Variants in RHOH observed in about 807,000 individuals in gnomAD.
RHOH encodes the protein ras homolog family member H, also known as rho-related GTP-binding protein RhoH.
Under a neutral mutation model 13.8 loss-of-function variants are expected in RHOH, and 6 were observed. That is an observed-to-expected ratio of 0.44 (90% CI 0.24 to 0.86). The LOEUF is 0.86. RHOH is among the 40% of genes least tolerant of loss of function. The probability of loss-of-function intolerance (pLI) is 0.24; values close to 1 mark genes in which losing one functional copy is unlikely to be tolerated. For missense variants in RHOH, 147 were observed against 244.5 expected, an observed-to-expected ratio of 0.60 and a Z score of 2.66; for synonymous variants, 117 against 103.0, an observed-to-expected ratio of 1.14 and a Z score of -0.82.
At chr4:40,198,723 A>G (rs1723563458) in intron 1 of RHOH, among the ~76,000 whole-genome samples, 1 of 152,218 alleles carries the variant, frequency 6.6e-6, no homozygotes, top group Non-Finnish European at 1.5e-5. Flanking sequence ...CCCTTCAATT[A>G]TCCAGGAATT....
upstream of RHOH, among the ~76,000 whole-genome samples, chr4:40,193,417 G>T (rs2109326317): frequency 7.0e-6 from 1 of 142,260 alleles, no homozygotes; most frequent in African/African-American, 2.6e-5. Context: ...TGTATTTTCA[G>T]CGTTTGCTTC....
chr4:40,237,695 C>G (rs922900916), intron 1 of RHOH, among the ~76,000 whole-genome samples: 7 of 152,178 alleles, frequency 4.6e-5, no homozygotes, highest in Non-Finnish European at 1.0e-4. Flanking sequence ...CTGCTACCAG[C>G]ACAGGTCCTT....
At chr4:40,213,191 A>T (rs1378610684) in intron 1 of RHOH, among the ~76,000 whole-genome samples, 1 of 152,000 alleles carries the variant, frequency 6.6e-6, no homozygotes, top group African/African-American at 2.4e-5. Flanking sequence ...CAAAAACAAA[A>T]CCCTCTGTAT....
At chr4:40,215,262 C>T (rs1194707784) in intron 1 of RHOH, among the ~76,000 whole-genome samples, 1 of 152,172 alleles carries the variant, frequency 6.6e-6, no homozygotes, top group Non-Finnish European at 1.5e-5. Flanking sequence ...AGCACCACCG[C>T]AATTTCTCTT....
chr4:40,243,429 G>A lies in RHOH; in HGVS notation c.43G>A (p.Val15Met), dbSNP rs1191636159. The change falls in exon 3 of 3, where the codon GTG (valine) becomes ATG (methionine). Residue 15 changes from valine (V) to methionine (M), a missense_variant. Val to Met is a conservative substitution (Grantham distance 21). Coordinates refer to ENST00000381799, the MANE Select transcript of RHOH (RefSeq NM_004310.5). This position sits in a 1 kb window ranked among gnomAD's most constrained non-coding sequence, Gnocchi z 6.2. Reference protein sequence around the residue: ...IKCVLVGDSAVGKTSLLVRFT... With the variant: ...IKCVLVGDSAMGKTSLLVRFT... ...GTGCGTGTTGGTGGGCGACTCTGCT[G>A]TGGGGAAAACCTCTCTGTTGGTGCG... is the stretch of plus-strand genomic sequence containing the variant. The A allele has an allele frequency of 2.5e-6, 4 of 1,610,648 alleles. No individual in the cohort carries two copies. The highest frequency in any genetic ancestry group is 3.4e-6 in the Non-Finnish European group (4 of 1,177,954).
chr4:40,243,677 G>A lies in RHOH; in HGVS notation c.291G>A (p.Lys97=), dbSNP rs1729539458. Residue 97 remains lysine, a synonymous_variant, in exon 3 of 3, where the codon AAG becomes AAA. Transcript: ENST00000381799. This position sits in a 1 kb window ranked among gnomAD's most constrained non-coding sequence, Gnocchi z 6.2. The stretch of plus-strand genomic sequence containing the variant: ...ACTCATTCCTGAACTTGAAGAACAA[G>A]TGGATTGGTGAAATTAGGAGCAACT... ...NHNSFLNLKN[K]WIGEIRSNLP... 1.2e-6 allele frequency: 2 copies of A among 1,614,094 alleles called. No individual in the cohort carries two copies. The highest frequency in any genetic ancestry group is 1.7e-5 in the Admixed American group (1 of 60,002).
At chr4:40,204,496 G>A (rs961867953) in intron 1 of RHOH, among the ~76,000 whole-genome samples, 30 of 152,136 alleles carry the variant, frequency 2.0e-4, no homozygotes, top group East Asian at 1.9e-4. Context: ...TCACAGATTC[G>A]TTTGACAATG....
At chr4:40,207,119 T>C (rs534360299) in intron 1 of RHOH, among the ~76,000 whole-genome samples, 30 of 151,942 alleles carry the variant, frequency 2.0e-4, no homozygotes, top group African/African-American at 6.5e-4. Flanking sequence ...AGGCAGGGAA[T>C]TGCTTGAACC....
chr4:40,213,360 CTTT>C (rs11358011), intron 1 of RHOH, among the ~76,000 whole-genome samples: 1 of 144,008 alleles, frequency 6.9e-6, no homozygotes. Flanking sequence ...TCTCGTTTCT[CTTT>C]TTTTTTTTTT....
chr4:40,218,305 A>G lies in RHOH; in HGVS notation c.-331+21005A>G, dbSNP rs1726128911. On this transcript the variant is annotated intron_variant, in intron 1 of 2. Transcript: ENST00000381799. The surrounding 1 kb of genome is among the most constrained non-coding windows in gnomAD (Gnocchi z 4.1). ...CTTCCGAGAGCTCTCTCAGGTATTT[A>G]TTATATGCACGTTCTGTCTACAATG... 6.6e-6 allele frequency: 1 copy of G among 152,166 alleles called. No individual in the cohort carries two copies. The highest frequency in any genetic ancestry group is 2.4e-5 in the African/African-American group (1 of 41,430). The allele number at this position is 152,166 out of a possible 1,614,324, so 9.4% of individuals were successfully genotyped here. A position where few individuals can be genotyped will look rare whatever the true frequency, so the allele number is the denominator to read the frequency against.
chr4:40,207,489 T>C (rs531707627), intron 1 of RHOH, among the ~76,000 whole-genome samples: 8 of 152,322 alleles, frequency 5.3e-5, no homozygotes, highest in East Asian at 1.9e-4. Flanking sequence ...GTTTTCAGGA[T>C]GCAGCAGGAG....
upstream of RHOH, among the ~76,000 whole-genome samples, chr4:40,193,479 CGA>C (rs34244157): frequency 0.019 from 1,644 of 88,650 alleles, 19 homozygotes; most frequent in Non-Finnish European, 0.025. Context: ...AGAATGAGAG[CGA>C]GAGAGAGAGA....
chr4:40,243,683 T>A lies in RHOH; in HGVS notation c.297T>A (p.Ile99=). The A allele has an allele frequency of 6.2e-7, 1 of 1,614,168 alleles. No individual in the cohort carries two copies. Among genetic ancestry groups the A allele is most frequent in the Non-Finnish European group, 8.5e-7 (1 of 1,180,026 alleles). Residue 99 remains isoleucine (I), a synonymous_variant, in exon 3 of 3, where the codon ATT becomes ATA. Transcript: ENST00000381799. This position sits in a 1 kb window ranked among gnomAD's most constrained non-coding sequence, Gnocchi z 6.2. The part of the protein sequence containing the change: ...NSFLNLKNKW[I]GEIRSNLPCT... ...TCCTGAACTTGAAGAACAAGTGGAT[T>A]GGTGAAATTAGGAGCAACTTGCCCT...
intron 1 of RHOH, among the ~76,000 whole-genome samples, chr4:40,224,499 T>TC (rs1349920829): frequency 6.6e-6 from 1 of 152,124 alleles, no homozygotes; most frequent in Non-Finnish European, 1.5e-5. Flanking sequence ...GTGCAAGGGG[T>TC]CCCCCCTAAG....
rs77441232 is a variant in RHOH at position 40,221,102 on chromosome 4, C to A, written c.-330-21612C>A. ...CAATTGAGGGAGTAACTGCTATGTT[C>A]CTAGTACAATTTATTCTATAGAGGG... On this transcript the variant is annotated intron_variant, in intron 1 of 2. Transcript: ENST00000381799. Among the ~76,000 whole-genome samples, 1,270 of 152,236 alleles carry A rather than the reference C, an allele frequency of 8.3e-3. 12 individuals are homozygous for A. The highest frequency in any genetic ancestry group is 0.028 in the African/African-American group (1,148 of 41,520).
In RHOH at chr4:40,221,622, C is replaced by T. The variant is rs6816765; in HGVS notation, c.-330-21092C>T. ...GCAAACTTAATGGATAAATGTTGTA[C>T]GTGTTCTGACTGCTCCGGCTGTTCC... On this transcript the variant is annotated intron_variant, in intron 1 of 2. Coordinates refer to ENST00000381799, the MANE Select transcript of RHOH (RefSeq NM_004310.5). Among the ~76,000 whole-genome samples the T allele has an allele frequency of 5.6e-3, 853 of 152,186 alleles. 11 individuals carry two copies. Among genetic ancestry groups the T allele is most frequent in the African/African-American group, 0.019 (789 of 41,502 alleles).
rs116758232 is a variant in RHOH, at chr4:40,204,263, G to A, written c.-331+6963G>A. ...CACATTCCCCATCGTCAGGGCCTCT[G>A]ATCTCTTGAGACATGATGTGGTAAA... On this transcript the variant is annotated intron_variant, in intron 1 of 2. Transcript: ENST00000381799. 9.3e-3 allele frequency among the ~76,000 whole-genome samples: 1,418 copies of A among 152,276 alleles called. 23 individuals carry two copies. Among genetic ancestry groups the A allele is most frequent in the African/African-American group, 0.032 (1,327 of 41,544 alleles).
chr4:40,223,452 C>G (rs932025679), intron 1 of RHOH, among the ~76,000 whole-genome samples: 2 of 147,668 alleles, frequency 1.4e-5, no homozygotes, highest in African/African-American at 5.0e-5. Context: ...GCTGAAGGCT[C>G]AGATGATTGT....
intron 1 of RHOH, among the ~76,000 whole-genome samples, chr4:40,211,258 T>A (rs997890425): frequency 6.6e-6 from 1 of 152,152 alleles, no homozygotes; most frequent in African/African-American, 2.4e-5. Context: ...TCTATTTTTT[T>A]TAAATTTTAT....
Sources: allele counts gnomAD v4.1 joint callset (sites outside exome capture counted in the v4.1 genomes callset), GRCh38; gene constraint gnomAD v4.1.1; non-coding constraint Gnocchi (gnomAD v3.1); transcripts MANE v1.5; gene names NCBI Gene and HGNC (gene_info 2026-07-23, HGNC 2026-07-21).